DNAH9: variants seen among roughly 807,000 people sequenced by gnomAD.
The protein encoded by DNAH9 is DNAH9 variant protein.
Under a neutral mutation model 471.6 loss-of-function variants are expected in DNAH9, and 345 were observed. That is an observed-to-expected ratio of 0.73 (90% confidence interval 0.67 to 0.80). DNAH9 has a LOEUF of 0.80. DNAH9 is among the 30% of genes least tolerant of loss of function. The pLI, the probability that DNAH9 is intolerant of heterozygous loss-of-function variation, is 0.00. For synonymous variants in DNAH9, 2,093 were observed against 2,123.6 expected (o/e 0.99, Z 0.40); for missense variants, 5,407 against 5,609.2 (o/e 0.96, Z 1.15).
rs55659834 is a variant in DNAH9, at chr17:11,727,047, C to CAAAAAAA, written c.5710-747_5710-741dup. ...TGGGCAACAGAGTGAGACTCCGTCT[C>CAAAAAAA]AAAAAAAAAAAAAAAAAAAAAAAAA... On this transcript the variant is annotated intron_variant, in intron 27 of 68. Transcript: ENST00000262442. 4.7e-3 allele frequency among the ~76,000 whole-genome samples: 319 copies of CAAAAAAA among 68,470 alleles called. 4 individuals are homozygous for CAAAAAAA. Among genetic ancestry groups the CAAAAAAA allele is most frequent in the Non-Finnish European group, 5.7e-3 (233 of 40,712 alleles). The allele number at this position is 68,470 out of a possible 152,430, so 44.9% of individuals were successfully genotyped here. A position where few individuals can be genotyped will look rare whatever the true frequency, so the allele number is the denominator to read the frequency against.
At chr17:11,791,832 C>A (rs899080581) in intron 41 of DNAH9, among the ~76,000 whole-genome samples, 1 of 152,016 alleles carries the variant, frequency 6.6e-6, no homozygotes, top group Non-Finnish European at 1.5e-5. Flanking sequence ...GTGTCTTGGG[C>A]GACTTCAACA....
At chr17:11,914,499 CCTTA>C (rs1252349059) in intron 61 of DNAH9, among the ~76,000 whole-genome samples, 2 of 152,072 alleles carry the variant, frequency 1.3e-5, no homozygotes, top group African/African-American at 4.8e-5. Flanking sequence ...AATTCTCCAT[CCTTA>C]CTTTGCTGGC....
intron 10 of DNAH9, among the ~76,000 whole-genome samples, chr17:11,643,851 G>A (rs1185779961): frequency 1.3e-5 from 2 of 152,148 alleles, no homozygotes; most frequent in African/African-American, 4.8e-5. Flanking sequence ...CCTGAGTATT[G>A]CAGGCAATTG....
intron 36 of DNAH9, among the ~76,000 whole-genome samples, chr17:11,764,915 C>T (rs549270233): frequency 2.0e-5 from 3 of 152,244 alleles, no homozygotes; most frequent in African/African-American, 7.2e-5. Flanking sequence ...ATATGTGCAG[C>T]TTTTTGTATA....
At chr17:11,742,028 A>ATTT in intron 29 of DNAH9, 147 bp from the exon 30 acceptor site, 1 of 670,714 alleles carries the variant, frequency 1.5e-6, no homozygotes, top group Non-Finnish European at 2.6e-6. Context: ...AAAGTCTTAG[A>ATTT]TGAAATAATG....
chr17:11,635,216 G>GA (rs2073138336), intron 8 of DNAH9, among the ~76,000 whole-genome samples: 1 of 151,738 alleles, frequency 6.6e-6, no homozygotes, highest in Non-Finnish European at 1.5e-5. Flanking sequence ...GCCTAGGCTG[G>GA]AGTGCAGTGG....
At chr17:11,858,524 C>T (rs1300848908) in intron 50 of DNAH9, among the ~76,000 whole-genome samples, 2 of 152,196 alleles carry the variant, frequency 1.3e-5, no homozygotes, top group Admixed American at 1.3e-4. Flanking sequence ...CAGTTTTGCT[C>T]ATTTTGTCAT....
chr17:11,678,716 G>T (rs1360916347), intron 17 of DNAH9, among the ~76,000 whole-genome samples: 1 of 151,768 alleles, frequency 6.6e-6, no homozygotes, highest in Non-Finnish European at 1.5e-5. Flanking sequence ...TTATATGAGG[G>T]TTCCTTTATA....
At chr17:11,710,475 T>C (rs769098593) in intron 26 of DNAH9, among the ~76,000 whole-genome samples, 5 of 152,204 alleles carry the variant, frequency 3.3e-5, no homozygotes, top group Non-Finnish European at 7.3e-5. Context: ...TTTATTAAAG[T>C]ATTAATTGCA....
chr17:11,925,767 C>A (rs1974300141), intron 62 of DNAH9, among the ~76,000 whole-genome samples: 1 of 152,142 alleles, frequency 6.6e-6, no homozygotes, highest in East Asian at 1.9e-4. Flanking sequence ...ATCTTTATTT[C>A]CTGGTGACTG....
chr17:11,665,012 C>A, intron 15 of DNAH9, 44 bp downstream of exon 15: 12 of 1,556,492 alleles, frequency 7.7e-6, no homozygotes, highest in Non-Finnish European at 9.7e-6. Context: ...GGAAAGATAA[C>A]AACAGTAACA....
chr17:11,773,160 CCTT>C (rs1968282448), intron 38 of DNAH9, among the ~76,000 whole-genome samples: 1 of 152,192 alleles, frequency 6.6e-6, no homozygotes, highest in South Asian at 2.1e-4. Flanking sequence ...TGTTGCACCT[CCTT>C]CATGAACCCG....
intron 63 of DNAH9, among the ~76,000 whole-genome samples, chr17:11,931,453 A>T (rs1567558773): frequency 6.6e-6 from 1 of 152,338 alleles, no homozygotes; most frequent in East Asian, 1.9e-4. Flanking sequence ...TCAGAGTCTC[A>T]GAAGATTTTA....
At chr17:11,926,035 G>GAAAAAAAAA (rs71142253) in intron 62 of DNAH9, among the ~76,000 whole-genome samples, 11 of 59,916 alleles carry the variant, frequency 1.8e-4, no homozygotes, top group African/African-American at 5.5e-4. Flanking sequence ...GAGATTCTCT[G>GAAAAAAAAA]AAAAAAAAAA....
chr17:11,667,843 G>C (rs2073899726), intron 15 of DNAH9, among the ~76,000 whole-genome samples: 1 of 152,162 alleles, frequency 6.6e-6, no homozygotes, highest in Admixed American at 6.5e-5. Context: ...CCACTGGTGA[G>C]GAAATTTCGT....
chr17:11,849,810 C>A (rs904322861), intron 49 of DNAH9, among the ~76,000 whole-genome samples: 2 of 152,194 alleles, frequency 1.3e-5, no homozygotes, highest in African/African-American at 4.8e-5. Context: ...CCTGAATGAG[C>A]AAAAGGACTT....
chr17:11,804,534 C>T (rs1346008180), intron 43 of DNAH9, among the ~76,000 whole-genome samples: 5 of 152,046 alleles, frequency 3.3e-5, no homozygotes, highest in Non-Finnish European at 7.4e-5. Context: ...TGTTCAATTC[C>T]CTAGAAACCA....
chr17:11,783,346 C>T (rs1968738387), intron 39 of DNAH9, among the ~76,000 whole-genome samples: 3 of 152,182 alleles, frequency 2.0e-5, no homozygotes, highest in African/African-American at 7.2e-5. Flanking sequence ...TGTGGTTGAC[C>T]ACTCTCTTCT....
At chr17:11,697,019 C>T (rs1330691897) in intron 22 of DNAH9, among the ~76,000 whole-genome samples, 1 of 152,122 alleles carries the variant, frequency 6.6e-6, no homozygotes, top group Non-Finnish European at 1.5e-5. Context: ...CAGGCATGAG[C>T]CACCACACCC....
Sources: gnomAD v4.1 joint callset for allele counts (sites outside exome capture counted in the v4.1 genomes callset) on GRCh38, gnomAD v4.1.1 for gene constraint, MANE v1.5 for transcripts, NCBI Gene and HGNC (gene_info 2026-07-23, HGNC 2026-07-21) for gene names.